The following RPH3AL variants were observed in gnomAD, a reference collection of about 807,000 sequenced individuals.
The protein encoded by RPH3AL is rab effector Noc2.
Under a neutral mutation model 43.1 loss-of-function variants are expected in RPH3AL, and 38 were observed. The ratio of observed to expected loss-of-function variants is 0.88; its 90% CI spans 0.68 to 1.15. RPH3AL has a LOEUF of 1.15. Ranked by LOEUF, RPH3AL falls within the 50% of genes most tolerant of loss-of-function variation. RPH3AL has a pLI of 0.00. For synonymous variants in RPH3AL, 189 were observed against 176.3 expected (o/e 1.07, Z -0.57); for missense variants, 462 against 423.2 (o/e 1.09, Z -0.81).
In RPH3AL at chr17:245,468, C is replaced by T. The variant is rs58055127; in HGVS notation, c.613+1643G>A. 0.31 allele frequency among the ~76,000 whole-genome samples: 45,750 copies of T among 146,618 alleles called. 7,443 individuals are homozygous for T. The highest frequency in any genetic ancestry group is 0.54 in the East Asian group (2,721 of 4,998). Reference sequence around the variant, plus strand: ...GTGTCAATGCGGTTGTGTTTGTGTGCGTGGATGTGAGTGTGTGTGTATGCC... The same window carrying T: ...GTGTCAATGCGGTTGTGTTTGTGTGTGTGGATGTGAGTGTGTGTGTATGCC... On this transcript the variant is annotated intron_variant, in intron 7 of 9. Transcript: ENST00000331302. This position sits in a 1 kb window ranked among gnomAD's most constrained non-coding sequence, Gnocchi z 5.9.
chr17:258,107 A>AG (rs1555545007), intron 6 of RPH3AL, among the ~76,000 whole-genome samples: 1 of 152,122 alleles, frequency 6.6e-6, no homozygotes, highest in African/African-American at 2.4e-5. Flanking sequence ...AGGCTGAGCA[A>AG]TGTTCCCCTG....
chr17:271,388 T>C (rs906099692), intron 6 of RPH3AL, among the ~76,000 whole-genome samples: 4 of 152,218 alleles, frequency 2.6e-5, no homozygotes, highest in South Asian at 4.1e-4. Flanking sequence ...TTTCACAATA[T>C]TGATTCTTCC....
chr17:267,511 AAC>A (rs2042351131), intron 6 of RPH3AL, among the ~76,000 whole-genome samples: 1 of 152,332 alleles, frequency 6.6e-6, no homozygotes, highest in African/African-American at 2.4e-5. Flanking sequence ...CCTGTGTTTA[AAC>A]ACAGTCTCAG....
intron 5 of RPH3AL, among the ~76,000 whole-genome samples, chr17:292,660 C>G (rs1352891021): frequency 1.3e-5 from 2 of 152,160 alleles, no homozygotes; most frequent in African/African-American, 4.8e-5. Flanking sequence ...CCCTCATCCT[C>G]CCGCCTGGAC....
chr17:220,496 C>A (rs879317284), intron 7 of RPH3AL, among the ~76,000 whole-genome samples: 9 of 68,850 alleles, frequency 1.3e-4, no homozygotes, highest in East Asian at 4.2e-4. Flanking sequence ...TAGACCCAAG[C>A]ACATCAGCTC....
Position 321,307 on chromosome 17 carries a change from T to G in RPH3AL, c.186A>C (p.Ala62=), listed in dbSNP as rs73971738. ...VEAILQVIQR[A]ERLDVLEQQR... ...GCTGCTCCAGGACGTCGAGCCGCTC[T>G]GCCCTCTGGATGACCTGCAGGATGG... Residue 62 remains alanine (A), a synonymous_variant, in exon 4 of 10, where the codon GCA becomes GCC. Coordinates refer to ENST00000331302, the MANE Select transcript of RPH3AL (RefSeq NM_006987.4). 0.12 allele frequency: 199,046 copies of G among 1,610,282 alleles called. 13,456 individuals are homozygous for G. The highest frequency in any genetic ancestry group is 0.25 in the African/African-American group (18,575 of 74,978).
intron 6 of RPH3AL, among the ~76,000 whole-genome samples, chr17:262,776 T>C (rs1555546746): frequency 6.6e-6 from 1 of 152,158 alleles, no homozygotes; most frequent in East Asian, 1.9e-4. Flanking sequence ...ATATTCCCCC[T>C]GCCCTAAATC....
chr17:343,857 G>A (rs2045179851), intron 1 of RPH3AL, among the ~76,000 whole-genome samples: 1 of 152,124 alleles, frequency 6.6e-6, no homozygotes, highest in African/African-American at 2.4e-5. Context: ...GGTGGTGTAG[G>A]TAACACAACC....
chr17:292,662 C>T (rs1280161902), intron 5 of RPH3AL, among the ~76,000 whole-genome samples: 1 of 152,092 alleles, frequency 6.6e-6, no homozygotes, highest in East Asian at 1.9e-4. Context: ...CTCATCCTCC[C>T]GCCTGGACCC....
chr17:293,972 G>A (rs895684036), intron 5 of RPH3AL, among the ~76,000 whole-genome samples: 1 of 151,960 alleles, frequency 6.6e-6, no homozygotes, highest in African/African-American at 2.4e-5. Context: ...AAGTTGCAGT[G>A]AGCTGAGATT....
At chr17:320,635 T>TC (rs201491246) in intron 4 of RPH3AL, among the ~76,000 whole-genome samples, 90 of 149,224 alleles carry the variant, frequency 6.0e-4, no homozygotes, top group South Asian at 2.7e-3. Context: ...TGAGACCCTG[T>TC]CCCCCCCAAA....
chr17:257,157 AATGTG>A (rs2151563797), intron 6 of RPH3AL, among the ~76,000 whole-genome samples: 1 of 74,994 alleles, frequency 1.3e-5, no homozygotes, highest in Non-Finnish European at 2.9e-5. Context: ...CGTCCCTAGG[AATGTG>A]ACTACCCTAC....
At chr17:310,372 G>A (rs2043612885) in intron 5 of RPH3AL, among the ~76,000 whole-genome samples, 1 of 152,146 alleles carries the variant, frequency 6.6e-6, no homozygotes, top group South Asian at 2.1e-4. Context: ...ACGCTGCCAG[G>A]GCTCCTGCTG....
At chr17:233,928 TCCCTGAGCAGGGAGCGGCTACTTA>T (rs2041294971) in intron 7 of RPH3AL, among the ~76,000 whole-genome samples, 2 of 105,214 alleles carry the variant, frequency 1.9e-5, no homozygotes, top group Admixed American at 9.7e-5. Context: ...CTGACCAACT[TCCCTGAGCAGGGAGCGGCTACTTA>T]CCCTGACCAA....
chr17:256,080 C>G (rs2042043957), intron 6 of RPH3AL, among the ~76,000 whole-genome samples: 3 of 27,832 alleles, frequency 1.1e-4, no homozygotes, highest in Non-Finnish European at 1.7e-4. Context: ...TTTTCCATCC[C>G]TAGGAACGTG....
At chr17:342,558 CACAG>C (rs2045147200) in intron 1 of RPH3AL, among the ~76,000 whole-genome samples, 1 of 152,218 alleles carries the variant, frequency 6.6e-6, no homozygotes, top group Non-Finnish European at 1.5e-5. Context: ...CATGCTACAA[CACAG>C]ACAAACCTTG....
Position 290,943 on chromosome 17 carries a change from G to A in RPH3AL, c.352-9089C>T, listed in dbSNP as rs933400230. On this transcript the variant is annotated intron_variant, in intron 5 of 9. Coordinates refer to ENST00000331302, the MANE Select transcript of RPH3AL (RefSeq NM_006987.4). This position sits in a 1 kb window ranked among gnomAD's most constrained non-coding sequence, Gnocchi z 4.2. ...ACTCGACCGAAAAGGGTGAAACTGC[G>A]CTCAAACGTCCTGTACAAGGAGGCC... Among the ~76,000 whole-genome samples the A allele has an allele frequency of 6.6e-5, 10 of 151,548 alleles. No individual in the cohort carries two copies. The highest frequency in any genetic ancestry group is 2.4e-4 in the African/African-American group (10 of 41,178).
chr17:335,651 A>G (rs36051166), intron 1 of RPH3AL: 33,586 of 152,200 alleles, frequency 0.22, 4,415 homozygotes, highest in Admixed American at 0.33. Flanking sequence ...AATGTCCAGA[A>G]CTATTCAGTT....
chr17:315,824 G>T (rs1397039808), intron 5 of RPH3AL, among the ~76,000 whole-genome samples: 9,041 of 132,204 alleles, frequency 0.068, 159 homozygotes, highest in East Asian at 0.11. Context: ...CCATTGACCT[G>T]TAGTCCCTGT....
Sources: allele counts gnomAD v4.1 joint callset (sites outside exome capture counted in the v4.1 genomes callset), GRCh38; gene constraint gnomAD v4.1.1; non-coding constraint Gnocchi (gnomAD v3.1); transcripts MANE v1.5; gene names NCBI Gene and HGNC (gene_info 2026-07-23, HGNC 2026-07-21).